ATXN8OS: variants seen among roughly 807,000 people sequenced by gnomAD.
ATXN8OS encodes the protein ATXN8 opposite strand lncRNA.
intron 3 of ATXN8OS, among the ~76,000 whole-genome samples, chr13:70,143,657 G>C (rs1888745847): frequency 6.6e-6 from 1 of 152,060 alleles, no homozygotes; most frequent in South Asian, 2.1e-4. Context: ...CCTCACCTCT[G>C]TTTTATATTT....
chr13:70,126,586 ATTTC>A (rs1483955718), intron 2 of ATXN8OS, among the ~76,000 whole-genome samples: 1 of 149,234 alleles, frequency 6.7e-6, no homozygotes, highest in Non-Finnish European at 1.5e-5. Context: ...GATGTAAACT[ATTTC>A]TATCTATCTA....
At chr13:70,144,199 TG>T (rs1323886361) in intron 3 of ATXN8OS, among the ~76,000 whole-genome samples, 1 of 152,164 alleles carries the variant, frequency 6.6e-6, no homozygotes, top group Non-Finnish European at 1.5e-5. Flanking sequence ...ATTATCAAAA[TG>T]GCTTATCACA....
At chr13:70,128,162 T>C (rs1012370904) in intron 2 of ATXN8OS, among the ~76,000 whole-genome samples, 23 of 152,192 alleles carry the variant, frequency 1.5e-4, no homozygotes, top group African/African-American at 5.5e-4. Flanking sequence ...CTTACAAGCT[T>C]AGGCATTTAA....
intron 4 of ATXN8OS, among the ~76,000 whole-genome samples, chr13:70,165,815 T>C (rs1009969569): frequency 6.6e-6 from 1 of 152,066 alleles, no homozygotes; most frequent in Non-Finnish European, 1.5e-5. Context: ...TATAAATAGA[T>C]TGTAGTCTCC....
chr13:70,128,971 C>T (rs1324874862), intron 2 of ATXN8OS, among the ~76,000 whole-genome samples: 1 of 152,082 alleles, frequency 6.6e-6, no homozygotes, highest in Non-Finnish European at 1.5e-5. Context: ...AGCGATTCTC[C>T]TGCCTCAGCC....
At chr13:70,121,907 T>C (rs906621188) in intron 2 of ATXN8OS, among the ~76,000 whole-genome samples, 2 of 152,008 alleles carry the variant, frequency 1.3e-5, no homozygotes, top group Non-Finnish European at 2.9e-5. Flanking sequence ...AATGAATGAA[T>C]TGAAAGGATT....
intron 2 of ATXN8OS, among the ~76,000 whole-genome samples, chr13:70,126,839 C>T (rs771333005): frequency 1.2e-4 from 18 of 151,110 alleles, no homozygotes; most frequent in Middle Eastern, 4.3e-3. Flanking sequence ...TCTGTATATC[C>T]GTATCTATAT....
At chr13:70,161,691 G>A (rs951027972) in intron 4 of ATXN8OS, among the ~76,000 whole-genome samples, 1 of 151,702 alleles carries the variant, frequency 6.6e-6, no homozygotes, top group Non-Finnish European at 1.5e-5. Context: ...GAAACCAGAG[G>A]CGGTCTCTGT....
At chr13:70,138,081 T>C (rs1888643609) in intron 3 of ATXN8OS, among the ~76,000 whole-genome samples, 1 of 152,208 alleles carries the variant, frequency 6.6e-6, no homozygotes, top group Non-Finnish European at 1.5e-5. Context: ...CCAATCACTT[T>C]CCACCAAATC....
At position 70,120,851 on chromosome 13, in the gene ATXN8OS, CAT is replaced by C. The variant is rs554124351; in HGVS notation, n.398+5555_398+5556del. On this transcript the variant is annotated intron_variant and non_coding_transcript_variant, in intron 2 of 4. Transcript: ENST00000678624. ...AAACCAAACATCACATGTTCTCACT[CAT>C]AGGTGGGAACTGAACAATGAGAACA... Among the ~76,000 whole-genome samples the C allele has an allele frequency of 4.8e-3, 683 of 141,798 alleles. 6 individuals are homozygous for C. Among genetic ancestry groups the C allele is most frequent in the African/African-American group, 0.017 (655 of 37,718 alleles). 93.0% of individuals were successfully genotyped at this position (141,798 alleles called of 152,430 possible). A position where few individuals can be genotyped will look rare whatever the true frequency, so the allele number is the denominator to read the frequency against.
exon 1 of ATXN8OS, chr13:70,107,906 C>G: frequency 3.9e-6 from 2 of 515,558 alleles, no homozygotes; most frequent in Non-Finnish European, 6.8e-6. Context: ...CAGCCGTGGT[C>G]GGGTCCGCAG....
intron 3 of ATXN8OS, chr13:70,139,383 A>ACTACTACTACTACTACTG: frequency 1.3e-4 from 59 of 458,308 alleles, no homozygotes; most frequent in Non-Finnish European, 1.9e-4. Flanking sequence ...TACTACTACT[A>ACTACTACTACTACTACTG]CTGCTGCTGC....
intron 3 of ATXN8OS, among the ~76,000 whole-genome samples, chr13:70,142,416 G>T (rs919978241): frequency 1.3e-5 from 2 of 151,954 alleles, no homozygotes. Context: ...TTTTTATAAC[G>T]CTGAATACAG....
At chr13:70,169,043 T>C (rs1889112144) in intron 4 of ATXN8OS, among the ~76,000 whole-genome samples, 1 of 152,112 alleles carries the variant, frequency 6.6e-6, no homozygotes, top group African/African-American at 2.4e-5. Context: ...AGTTTTGTTT[T>C]TCCATGAATA....
chr13:70,161,132 T>A (rs571051527), intron 4 of ATXN8OS, among the ~76,000 whole-genome samples: 101 of 151,834 alleles, frequency 6.7e-4, no homozygotes, highest in Non-Finnish European at 1.3e-3. Flanking sequence ...CTGCAAGATT[T>A]AAATTTTTTT....
Position 70,139,374 on chromosome 13 carries a change from A to ACTGCTGCTG in ATXN8OS, n.500-7979_500-7978insGCTGCTGCT, listed in dbSNP as rs1436504114. On this transcript the variant is annotated intron_variant and non_coding_transcript_variant, in intron 3 of 4. Coordinates refer to ENST00000678624, the Ensembl canonical transcript of ATXN8OS. ...CTTTACTACTACTACTACTACTACTACTACTACTACTGCTGCTGCTGCTGC... is the reference window on the plus strand; with the variant it reads ...CTTTACTACTACTACTACTACTACTACTGCTGCTGCTACTACTACTGCTGCTGCTGCTGC... 4.0e-4 allele frequency: 258 copies of ACTGCTGCTG among 648,856 alleles called. 5 individuals carry two copies. In the East Asian group the frequency reaches 4.3e-3, roughly 11 times the overall value. 40.2% of individuals were successfully genotyped at this position (648,856 alleles called of 1,614,324 possible).
chr13:70,127,975 ATGTTGT>A (rs1888467715), intron 2 of ATXN8OS, among the ~76,000 whole-genome samples: 1 of 151,948 alleles, frequency 6.6e-6, no homozygotes, highest in Non-Finnish European at 1.5e-5. Context: ...CTTTCATTTT[ATGTTGT>A]TATATAATGA....
intron 4 of ATXN8OS, among the ~76,000 whole-genome samples, chr13:70,158,947 G>T (rs998701160): frequency 1.3e-5 from 2 of 152,190 alleles, no homozygotes; most frequent in South Asian, 2.1e-4. Flanking sequence ...ATGAAAGGGA[G>T]AAATTAGTTC....
At chr13:70,109,709 T>C (rs1017647690) in intron 1 of ATXN8OS, among the ~76,000 whole-genome samples, 1 of 152,178 alleles carries the variant, frequency 6.6e-6, no homozygotes, top group South Asian at 2.1e-4. Context: ...TTTTTGTTTA[T>C]TAAGCAAAAA....
Sources: allele counts gnomAD v4.1 joint callset (sites outside exome capture counted in the v4.1 genomes callset), GRCh38; gene constraint gnomAD v4.1.1; transcripts MANE v1.5; gene names NCBI Gene and HGNC (gene_info 2026-07-23, HGNC 2026-07-21).